CACNA1B: variants seen among roughly 807,000 people sequenced by gnomAD.
CACNA1B encodes voltage-dependent N-type calcium channel subunit alpha-1B.
A neutral mutation model predicts 247.2 loss-of-function variants in CACNA1B; 70 were observed. That is an observed-to-expected ratio of 0.28 (90% CI 0.23 to 0.35). CACNA1B has a LOEUF of 0.35. Among genes scored for constraint, CACNA1B ranks in the 10% least tolerant of loss-of-function variants. CACNA1B has a pLI of 1.00. For missense variants in CACNA1B, 2,367 were observed against 3,197.4 expected (o/e 0.74, Z 6.26); for synonymous variants, 1,231 against 1,294.4 (o/e 0.95, Z 1.05).
chr9:137,888,102 C>A lies in CACNA1B; in HGVS notation c.530+5219C>A, dbSNP rs145209253. On this transcript the variant is annotated intron_variant, in intron 3 of 46. Transcript: ENST00000371372. The surrounding 1 kb of genome is among the most constrained non-coding windows in gnomAD (Gnocchi z 4.7). ...ATGGGTGCTGGGGGCACAGTGTAGACGGTAGGGAAGGAGAGTGGGAGCCGG... is the reference window on the plus strand; with the variant it reads ...ATGGGTGCTGGGGGCACAGTGTAGAAGGTAGGGAAGGAGAGTGGGAGCCGG... Among the ~76,000 whole-genome samples the A allele has an allele frequency of 3.0e-4, 46 of 151,238 alleles. No homozygotes were observed. In the East Asian group the frequency reaches 8.6e-3, roughly 28 times the overall value.
intron 10 of CACNA1B, among the ~76,000 whole-genome samples, chr9:137,967,701 T>C (rs565000219): frequency 5.9e-5 from 9 of 152,240 alleles, no homozygotes; most frequent in Non-Finnish European, 7.4e-5. Context: ...AGTGTCTCTC[T>C]CTCTCATTTC....
At chr9:137,951,204 G>A (rs116582370) in intron 6 of CACNA1B, among the ~76,000 whole-genome samples, 108 of 152,344 alleles carry the variant, frequency 7.1e-4, no homozygotes, top group African/African-American at 2.5e-3. Flanking sequence ...ATGAACTGCA[G>A]CTGGAGCTGA....
intron 20 of CACNA1B, among the ~76,000 whole-genome samples, chr9:138,037,071 C>T (rs1564250970): frequency 6.6e-6 from 1 of 152,322 alleles, no homozygotes; most frequent in Non-Finnish European, 1.5e-5. Context: ...GAGTTTTCCT[C>T]TGCTTATTCA....
Position 137,882,920 on chromosome 9 carries a change from G to T in CACNA1B, c.530+37G>T. The T allele has an allele frequency of 6.3e-7, 1 of 1,577,782 alleles. No individual in the cohort carries two copies. Among genetic ancestry groups the T allele is most frequent in the Non-Finnish European group, 8.7e-7 (1 of 1,150,784 alleles). On this transcript the variant is annotated intron_variant, in intron 3 of 46. Transcript: ENST00000371372. The surrounding 1 kb of genome is among the most constrained non-coding windows in gnomAD (Gnocchi z 4.0). The stretch of plus-strand genomic sequence containing the variant: ...GAGGCCAGGAGGCCCAGCGTGTGAG[G>T]CCCGGGCGTGTGCTCTCTGAAGCTC...
chr9:138,056,790 A>G (rs1403414908), intron 26 of CACNA1B, among the ~76,000 whole-genome samples: 1 of 152,098 alleles, frequency 6.6e-6, no homozygotes, highest in Non-Finnish European at 1.5e-5. Flanking sequence ...CATCATGGGC[A>G]TGAAGTGGTG....
chr9:138,017,365 C>A (rs546714010), intron 18 of CACNA1B, among the ~76,000 whole-genome samples: 1 of 152,258 alleles, frequency 6.6e-6, no homozygotes, highest in Non-Finnish European at 1.5e-5. Context: ...GGGCTTGCTC[C>A]CTGATGTCCC....
At chr9:137,967,617 G>A (rs1026699931) in intron 10 of CACNA1B, among the ~76,000 whole-genome samples, 1 of 152,194 alleles carries the variant, frequency 6.6e-6, no homozygotes, top group Non-Finnish European at 1.5e-5. Context: ...GACTCTTCGA[G>A]TTCCTGTGTA....
chr9:137,968,605 G>A (rs1203793375), intron 10 of CACNA1B, among the ~76,000 whole-genome samples: 2 of 152,246 alleles, frequency 1.3e-5, no homozygotes, highest in Admixed American at 6.5e-5. Flanking sequence ...ACACTTTCTT[G>A]TCTGTCTCCC....
rs1391354052 is a variant in CACNA1B at position 138,059,306 on chromosome 9, A to G, written c.4584+117A>G. The G allele has an allele frequency of 4.4e-6, 3 of 674,680 alleles. No individual in the cohort carries two copies. Among genetic ancestry groups the G allele is most frequent in the East Asian group, 5.5e-5 (2 of 36,634 alleles). 41.8% of individuals were successfully genotyped at this position (674,680 alleles called of 1,614,324 possible). Reference sequence around the variant, plus strand: ...TGGGAATTCTCCGAGTACCCAGAGTATATGTAATGCTACAGGGGCCCTGGG... The same window carrying G: ...TGGGAATTCTCCGAGTACCCAGAGTGTATGTAATGCTACAGGGGCCCTGGG... On this transcript the variant is annotated intron_variant, in intron 30 of 46. Transcript: ENST00000371372. This position sits in a 1 kb window ranked among gnomAD's most constrained non-coding sequence, Gnocchi z 4.2.
intron 26 of CACNA1B, among the ~76,000 whole-genome samples, chr9:138,056,025 C>CAAA: frequency 7.0e-6 from 1 of 142,308 alleles, no homozygotes; most frequent in East Asian, 2.0e-4. Flanking sequence ...GACTCTGTCT[C>CAAA]AAAAAAAAAA....
At position 138,057,894 on chromosome 9, in the gene CACNA1B, A is replaced by T. The variant is rs151216893; in HGVS notation, c.4106+25A>T. 1 of 1,596,464 alleles carries T rather than the reference A, an allele frequency of 6.3e-7. No homozygotes were observed. Among genetic ancestry groups the T allele is most frequent in the African/African-American group, 1.3e-5 (1 of 74,620 alleles). On this transcript the variant is annotated intron_variant, in intron 27 of 46. Transcript: ENST00000371372. The surrounding 1 kb of genome is among the most constrained non-coding windows in gnomAD (Gnocchi z 4.0). ...TGTGAGTGCTCATCCTGCTCTCCGT[A>T]GCTGGGGCAGGCAGCCCCTGAGCTC...
At chr9:138,092,250 T>C (rs1485105260) in intron 36 of CACNA1B, among the ~76,000 whole-genome samples, 1 of 152,182 alleles carries the variant, frequency 6.6e-6, no homozygotes, top group East Asian at 1.9e-4. Flanking sequence ...CCAGCAAGCC[T>C]GAGGGCACTG....
intron 31 of CACNA1B, among the ~76,000 whole-genome samples, chr9:138,067,983 G>A (rs945069907): frequency 6.6e-6 from 1 of 152,202 alleles, no homozygotes; most frequent in African/African-American, 2.4e-5. Context: ...GTGAAAATAC[G>A]CAAATGATGT....
At chr9:137,940,807 C>T (rs891023467) in intron 6 of CACNA1B, among the ~76,000 whole-genome samples, 9 of 152,068 alleles carry the variant, frequency 5.9e-5, no homozygotes, top group African/African-American at 9.7e-5. Flanking sequence ...CAATTAAAGA[C>T]AAAAATCACA....
chr9:137,991,883 A>T (rs1302660266), intron 15 of CACNA1B, among the ~76,000 whole-genome samples: 3 of 152,230 alleles, frequency 2.0e-5, no homozygotes, highest in Admixed American at 2.0e-4. Flanking sequence ...ACAGGCAAAC[A>T]AATGCTGAGA....
At chr9:138,066,856 G>A (rs994469831) in intron 31 of CACNA1B, among the ~76,000 whole-genome samples, 1 of 152,028 alleles carries the variant, frequency 6.6e-6, no homozygotes, top group Non-Finnish European at 1.5e-5. Flanking sequence ...AACAGAATAA[G>A]CTCAATAAAG....
chr9:137,905,421 C>T (rs1957288001), intron 3 of CACNA1B, among the ~76,000 whole-genome samples: 1 of 151,204 alleles, frequency 6.6e-6, no homozygotes, highest in Non-Finnish European at 1.5e-5. Context: ...CAATTTTTAA[C>T]ATTCATTTTC....
chr9:138,115,525 T>C, intron 41 of CACNA1B, 27 bp from the exon 42 acceptor site: 2 of 1,606,830 alleles, frequency 1.2e-6, no homozygotes, highest in Non-Finnish European at 1.7e-6. Flanking sequence ...ATTGGAGCTC[T>C]TTCCCTTCCC....
intron 20 of CACNA1B, among the ~76,000 whole-genome samples, chr9:138,041,673 A>G (rs1959124483): frequency 6.6e-6 from 1 of 152,158 alleles, no homozygotes; most frequent in South Asian, 2.1e-4. Context: ...GAGCCCTGGC[A>G]TCTTTGTCCT....
Sources: allele counts gnomAD v4.1 joint callset (sites outside exome capture counted in the v4.1 genomes callset), GRCh38; gene constraint gnomAD v4.1.1; non-coding constraint Gnocchi (gnomAD v3.1); transcripts MANE v1.5; gene names NCBI Gene and HGNC (gene_info 2026-07-23, HGNC 2026-07-21).